UNC13B: variants seen among roughly 807,000 people sequenced by gnomAD.
UNC13B encodes the protein protein unc-13 homolog B.
In UNC13B, 144 loss-of-function variants were observed where a neutral mutation model predicts 211.0. That is an observed-to-expected ratio of 0.68 (90% CI 0.60 to 0.78). The LOEUF (loss-of-function observed/expected upper bound fraction) is 0.78, where lower values mean the gene tolerates loss of function less well. Among genes scored for constraint, UNC13B ranks in the 30% least tolerant of loss-of-function variants. The pLI is 0.00. For missense variants in UNC13B, 1,777 were observed against 2,002.0 expected (o/e 0.89, Z 2.14); for synonymous variants, 709 against 725.8 (o/e 0.98, Z 0.37).
chr9:35,233,748 G>A (rs995530314), intron 3 of UNC13B, among the ~76,000 whole-genome samples: 10 of 152,192 alleles, frequency 6.6e-5, no homozygotes, highest in African/African-American at 2.2e-4. Context: ...GGTAAGGTGG[G>A]CATCTTCACT....
intron 17 of UNC13B, among the ~76,000 whole-genome samples, chr9:35,379,568 A>G (rs1019275129): frequency 3.9e-5 from 6 of 152,208 alleles, no homozygotes; most frequent in Admixed American, 1.3e-4. Flanking sequence ...TCCTGCTTGA[A>G]TTCTTCTTAT....
In UNC13B at chr9:35,254,925, TAA is replaced by T. The variant is rs1363441645; in HGVS notation, c.469-4067_469-4066del. Among the ~76,000 whole-genome samples the T allele has an allele frequency of 8.7e-4, 27 of 31,064 alleles. No homozygotes were observed. In the East Asian group the frequency reaches 0.024, roughly 28 times the overall value. The allele number at this position is 31,064 out of a possible 152,430, so 20.4% of individuals were successfully genotyped here. On this transcript the variant is annotated intron_variant, in intron 6 of 39. Transcript: ENST00000635942. ...GTATATAATATATAATATACATATA[TAA>T]TATAATATATATTAATATATGTATA...
intron 1 of UNC13B, among the ~76,000 whole-genome samples, chr9:35,209,783 T>C (rs1001164398): frequency 6.6e-6 from 1 of 152,236 alleles, no homozygotes; most frequent in African/African-American, 2.4e-5. Context: ...TTCTTCATTC[T>C]ATTTCCATTT....
At chr9:35,277,338 T>C (rs1228851495) in intron 7 of UNC13B, among the ~76,000 whole-genome samples, 4 of 152,210 alleles carry the variant, frequency 2.6e-5, no homozygotes, top group African/African-American at 9.6e-5. Context: ...ACTACTAGAC[T>C]CATATTCAGG....
At position 35,378,580 on chromosome 9, in the gene UNC13B, G is replaced by A. The variant is rs1481964377; in HGVS notation, c.10205+144G>A. On this transcript the variant is annotated intron_variant, in intron 17 of 39. Coordinates refer to ENST00000635942, the MANE Select transcript of UNC13B (RefSeq NM_001371189.2). ...TCTCGCATGCTTCGTTCAGACATCA[G>A]CCATTCTTTCTCTGGTTTTCTTCTC... The A allele has an allele frequency of 1.8e-5, 20 of 1,119,534 alleles. No individual in the cohort carries two copies. The Admixed American group carries it at 4.0e-4, about 23-fold the overall frequency. 69.4% of individuals were successfully genotyped at this position (1,119,534 alleles called of 1,614,324 possible). A position where few individuals can be genotyped will look rare whatever the true frequency, so the allele number is the denominator to read the frequency against.
intron 1 of UNC13B, among the ~76,000 whole-genome samples, chr9:35,174,784 C>T (rs1039942935): frequency 3.3e-5 from 5 of 152,148 alleles, no homozygotes; most frequent in African/African-American, 9.7e-5. Flanking sequence ...CTCCTGGTTC[C>T]ACCGTGTTAG....
At chr9:35,390,086 C>T in intron 25 of UNC13B, 113 bp downstream of exon 25, 2 of 1,527,128 alleles carry the variant, frequency 1.3e-6, no homozygotes, top group Non-Finnish European at 1.8e-6. Flanking sequence ...TCTTCCTGTC[C>T]ATCCATCTGT....
At position 35,378,451 on chromosome 9, in the gene UNC13B, G is replaced by A. The variant is rs1834593081; in HGVS notation, c.10205+15G>A. 1 of 1,614,000 alleles carries A rather than the reference G, an allele frequency of 6.2e-7. No individual in the cohort carries two copies. The highest frequency in any genetic ancestry group is 8.5e-7 in the Non-Finnish European group (1 of 1,180,012). ...AAGTTCCATTTGTAAGTCACAGAGAGCTTTGTCTTACCTGGGACTGTGTGT... is the reference window on the plus strand; with the variant it reads ...AAGTTCCATTTGTAAGTCACAGAGAACTTTGTCTTACCTGGGACTGTGTGT... On this transcript the variant is annotated intron_variant, in intron 17 of 39. Transcript: ENST00000635942.
chr9:35,316,112 T>A (rs1830437609), intron 11 of UNC13B, among the ~76,000 whole-genome samples: 2 of 152,220 alleles, frequency 1.3e-5, no homozygotes, highest in African/African-American at 4.8e-5. Context: ...ATTTTGTTCC[T>A]TATCAAATCT....
chr9:35,396,343 G>C, intron 26 of UNC13B, 133 bp from the exon 27 acceptor site: 1 of 1,104,344 alleles, frequency 9.1e-7, no homozygotes, highest in Non-Finnish European at 1.3e-6. Context: ...ATGGCTGTGA[G>C]AAGGAGGTTG....
At chr9:35,234,197 C>T (rs1255069378) in intron 3 of UNC13B, among the ~76,000 whole-genome samples, 1 of 152,066 alleles carries the variant, frequency 6.6e-6, no homozygotes, top group Admixed American at 6.5e-5. Context: ...CTCACTGCAG[C>T]CTTGATCTCC....
At chr9:35,250,669 G>A (rs10118130) in intron 6 of UNC13B, among the ~76,000 whole-genome samples, 90,097 of 151,898 alleles carry the variant, frequency 0.59, 27,122 homozygotes, top group East Asian at 0.88. Context: ...CTTCTCTTGC[G>A]TATGACTTGG....
chr9:35,316,028 A>G (rs150032727), intron 11 of UNC13B, among the ~76,000 whole-genome samples: 19 of 152,242 alleles, frequency 1.2e-4, no homozygotes, highest in South Asian at 4.1e-4. Flanking sequence ...AGGTTTCTCC[A>G]CTGTCAAGGT....
At chr9:35,206,143 C>T (rs1823628676) in intron 1 of UNC13B, among the ~76,000 whole-genome samples, 1 of 152,106 alleles carries the variant, frequency 6.6e-6, no homozygotes, top group Admixed American at 6.5e-5. Flanking sequence ...GAGATTGTGC[C>T]ACTCCCTCTG....
chr9:35,185,878 ACT>A (rs1282044144), intron 1 of UNC13B, among the ~76,000 whole-genome samples: 1 of 151,624 alleles, frequency 6.6e-6, no homozygotes, highest in Non-Finnish European at 1.5e-5. Context: ...AGATCATGCC[ACT>A]GCAGTCCAGC....
intron 1 of UNC13B, among the ~76,000 whole-genome samples, chr9:35,197,121 T>G (rs527334565): frequency 8.5e-5 from 13 of 152,352 alleles, no homozygotes; most frequent in African/African-American, 3.1e-4. Context: ...TCAAGTTTAT[T>G]CAATCTGGTA....
chr9:35,306,397 T>A lies in UNC13B; in HGVS notation c.6993T>A (p.Ile2331=), dbSNP rs965786895. The A allele has an allele frequency of 2.5e-6, 1 of 398,838 alleles. No homozygotes were observed. Among genetic ancestry groups the A allele is most frequent in the Admixed American group, 4.4e-5 (1 of 22,702 alleles). 24.7% of individuals were successfully genotyped at this position (398,838 alleles called of 1,614,324 possible). ...AGATGAATGAATTGCAAAAAGACAT[T>A]ATTCCTCCTTCACCAGAATTTCAGG... is the stretch of plus-strand genomic sequence containing the variant. ...DFQMNELQKD[I]IPPSPEFQAQ... Residue 2331 remains isoleucine (I), a synonymous_variant, in exon 9 of 40, where the codon ATT becomes ATA. Coordinates refer to ENST00000635942, the MANE Select transcript of UNC13B (RefSeq NM_001371189.2).
At chr9:35,204,173 T>G (rs1183412988) in intron 1 of UNC13B, among the ~76,000 whole-genome samples, 2 of 152,246 alleles carry the variant, frequency 1.3e-5, no homozygotes, top group African/African-American at 2.4e-5. Context: ...CACTTGGTGT[T>G]AAGCCTGTGG....
At chr9:35,298,642 A>C (rs1023031975) in intron 8 of UNC13B, among the ~76,000 whole-genome samples, 3 of 152,126 alleles carry the variant, frequency 2.0e-5, no homozygotes, top group Non-Finnish European at 4.4e-5. Context: ...TTTAGTGACT[A>C]AGTGTCTGCT....
Sources: gnomAD v4.1 joint callset for allele counts (sites outside exome capture counted in the v4.1 genomes callset) on GRCh38, gnomAD v4.1.1 for gene constraint, MANE v1.5 for transcripts, NCBI Gene and HGNC (gene_info 2026-07-23, HGNC 2026-07-21) for gene names.